CTNNBL1: variants seen among roughly 807,000 people sequenced by gnomAD.
The protein encoded by CTNNBL1 is beta-catenin-like protein 1.
Under a neutral mutation model 72.7 loss-of-function variants are expected in CTNNBL1, and 31 were observed. That is an observed-to-expected ratio of 0.43 (90% CI 0.32 to 0.58). The LOEUF is 0.58. Ranked by LOEUF, CTNNBL1 falls within the 20% of genes least tolerant of loss-of-function variation. The pLI, the probability that CTNNBL1 is intolerant of heterozygous loss-of-function variation, is 0.08. For missense variants in CTNNBL1, 534 were observed against 725.1 expected (o/e 0.74, Z 3.03); for synonymous variants, 240 against 267.3 (o/e 0.90, Z 1.00).
chr20:37,836,148 T>A (rs4811180), intron 11 of CTNNBL1, among the ~76,000 whole-genome samples: 124,043 of 151,656 alleles, frequency 0.82, 50,771 homozygotes, highest in Middle Eastern at 0.89. Context: ...TCTGTGGTTG[T>A]GTGTAAATTC....
At chr20:37,718,389 C>A (rs1298755350) in intron 1 of CTNNBL1, among the ~76,000 whole-genome samples, 1 of 140,968 alleles carries the variant, frequency 7.1e-6, no homozygotes, top group Non-Finnish European at 1.5e-5. Flanking sequence ...ACCTCCGGGA[C>A]GGGGCGGCTG....
At chr20:37,791,756 G>C (rs1029787313) in intron 10 of CTNNBL1, among the ~76,000 whole-genome samples, 1 of 152,078 alleles carries the variant, frequency 6.6e-6, no homozygotes, top group Admixed American at 6.5e-5. Flanking sequence ...GCGTGCGAGC[G>C]ATCTAAGTTG....
intron 11 of CTNNBL1, among the ~76,000 whole-genome samples, chr20:37,838,841 C>T (rs560382854): frequency 9.9e-5 from 15 of 152,266 alleles, no homozygotes; most frequent in African/African-American, 2.4e-4. Flanking sequence ...GAGCCCTGAT[C>T]GTGCCGCTGC....
intron 4 of CTNNBL1, chr20:37,756,400 T>TTCTCTCTC (rs11468896): frequency 4.7e-5 from 7 of 148,536 alleles, no homozygotes; most frequent in African/African-American, 1.7e-4. Flanking sequence ...AGGTGTCTGT[T>TTCTCTCTC]TCTCTCTCTC....
rs992918294 is a variant in CTNNBL1 at position 37,765,077 on chromosome 20, A to G, written c.565-120A>G. 3 of 704,850 alleles carry G rather than the reference A, an allele frequency of 4.3e-6. No individual in the cohort carries two copies. The African/African-American group carries it at 5.3e-5, about 12-fold the overall frequency. 43.7% of individuals were successfully genotyped at this position (704,850 alleles called of 1,614,324 possible). Reference sequence around the variant, plus strand: ...TGGGAGAGCACCTTGTAAACCATAGATTGCTGCTTATTTACTTACTTTGTT... The same window carrying G: ...TGGGAGAGCACCTTGTAAACCATAGGTTGCTGCTTATTTACTTACTTTGTT... On this transcript the variant is annotated intron_variant, in intron 5 of 15. Coordinates refer to ENST00000361383, the MANE Select transcript of CTNNBL1 (RefSeq NM_030877.5).
chr20:37,859,363 A>AG (rs1356369884), intron 13 of CTNNBL1, among the ~76,000 whole-genome samples: 1 of 151,916 alleles, frequency 6.6e-6, no homozygotes, highest in Non-Finnish European at 1.5e-5. Flanking sequence ...ATCTCAAAAA[A>AG]AAAAAAAAAG....
At chr20:37,778,394 A>G (rs1475354340) in intron 9 of CTNNBL1, among the ~76,000 whole-genome samples, 1 of 152,186 alleles carries the variant, frequency 6.6e-6, no homozygotes, top group African/African-American at 2.4e-5. Context: ...TACAGCTTCC[A>G]TCTTGGTGCC....
chr20:37,830,789 C>G (rs1366614664), intron 11 of CTNNBL1, among the ~76,000 whole-genome samples: 1 of 152,138 alleles, frequency 6.6e-6, no homozygotes, highest in African/African-American at 2.4e-5. Flanking sequence ...TACAGCTGGG[C>G]AAAATCATTT....
At chr20:37,816,124 G>A (rs2072056216) in intron 11 of CTNNBL1, among the ~76,000 whole-genome samples, 1 of 152,220 alleles carries the variant, frequency 6.6e-6, no homozygotes, top group Non-Finnish European at 1.5e-5. Context: ...TAAGAAGGAG[G>A]TTGAAAAGAT....
intron 7 of CTNNBL1, among the ~76,000 whole-genome samples, chr20:37,774,281 TAAAGA>T (rs1002563029): frequency 6.6e-6 from 1 of 152,008 alleles, no homozygotes; most frequent in Non-Finnish European, 1.5e-5. Flanking sequence ...AATTTACAGA[TAAAGA>T]AATCCCAGAG....
chr20:37,815,126 CATG>C (rs1360076115), intron 11 of CTNNBL1, among the ~76,000 whole-genome samples: 2 of 146,522 alleles, frequency 1.4e-5, no homozygotes, highest in African/African-American at 5.2e-5. Context: ...TAAAGGGAAT[CATG>C]ATGGATATAC....
intron 10 of CTNNBL1, among the ~76,000 whole-genome samples, chr20:37,796,524 G>A (rs1169109825): frequency 6.6e-6 from 1 of 151,720 alleles, no homozygotes; most frequent in East Asian, 1.9e-4. Flanking sequence ...GGCCCAGAGT[G>A]GAAGTCCAGC....
intron 5 of CTNNBL1, among the ~76,000 whole-genome samples, chr20:37,761,180 A>G (rs1411655482): frequency 6.6e-6 from 1 of 152,098 alleles, no homozygotes; most frequent in East Asian, 1.9e-4. Context: ...GAGCATATGG[A>G]GGTGTCCCAG....
At chr20:37,857,081 A>G (rs572494127) in intron 13 of CTNNBL1, among the ~76,000 whole-genome samples, 5 of 152,362 alleles carry the variant, frequency 3.3e-5, no homozygotes, top group African/African-American at 1.2e-4. Context: ...TGTAATTCAT[A>G]CAGTGGGATG....
intron 1 of CTNNBL1, among the ~76,000 whole-genome samples, chr20:37,705,393 G>GT (rs1380995014): frequency 1.3e-5 from 2 of 152,198 alleles, no homozygotes; most frequent in Non-Finnish European, 2.9e-5. Context: ...TGAGTGCCCA[G>GT]TAAGTGTTAC....
chr20:37,822,424 C>A (rs558345910), intron 11 of CTNNBL1, among the ~76,000 whole-genome samples: 61 of 152,270 alleles, frequency 4.0e-4, no homozygotes, highest in African/African-American at 1.5e-3. Context: ...GGGAATGCAT[C>A]TTGGATTCCA....
chr20:37,870,530 A>G (rs751220119), intron 15 of CTNNBL1, among the ~76,000 whole-genome samples: 18 of 152,058 alleles, frequency 1.2e-4, no homozygotes, highest in Admixed American at 5.2e-4. Context: ...TTTCCGGTCT[A>G]TCTGTAAATC....
At chr20:37,785,381 A>G (rs2073663486) in intron 10 of CTNNBL1, among the ~76,000 whole-genome samples, 1 of 152,172 alleles carries the variant, frequency 6.6e-6, no homozygotes, top group African/African-American at 2.4e-5. Flanking sequence ...TCTCCTCTTT[A>G]AGGCCAGTAA....
intron 11 of CTNNBL1, among the ~76,000 whole-genome samples, chr20:37,821,141 TA>T (rs1424347473): frequency 2.0e-5 from 3 of 152,214 alleles, no homozygotes; most frequent in Non-Finnish European, 4.4e-5. Flanking sequence ...CACATCTCTG[TA>T]AGACTGATTA....
Sources: allele counts gnomAD v4.1 joint callset (sites outside exome capture counted in the v4.1 genomes callset), GRCh38; gene constraint gnomAD v4.1.1; transcripts MANE v1.5; gene names NCBI Gene and HGNC (gene_info 2026-07-23, HGNC 2026-07-21).